Variants in CAST observed in about 807,000 individuals in gnomAD.
The protein encoded by CAST is MIR583 host.
Under a neutral mutation model 119.6 loss-of-function variants are expected in CAST, and 76 were observed. The observed-to-expected ratio is 0.64, with a 90% CI of 0.53 to 0.77. The LOEUF (loss-of-function observed/expected upper bound fraction) is 0.77. Among genes scored for constraint, CAST ranks in the 30% least tolerant of loss-of-function variants. The pLI is 0.00. For synonymous variants in CAST, 319 were observed against 331.6 expected, an observed-to-expected ratio of 0.96 and a Z score of 0.41; for missense variants, 953 against 946.5, an observed-to-expected ratio of 1.01 and a Z score of -0.09.
chr5:96,767,627 A>G, intron 28 of CAST, 145 bp downstream of exon 28: 1 of 670,276 alleles, frequency 1.5e-6, no homozygotes, highest in South Asian at 1.9e-5. Context: ...GTGTGTGACT[A>G]TTGTTTACCT....
intron 24 of CAST, among the ~76,000 whole-genome samples, chr5:96,759,765 T>TA (rs1159345041): frequency 3.3e-5 from 5 of 151,976 alleles, no homozygotes; most frequent in Non-Finnish European, 5.9e-5. Flanking sequence ...AGAGATCAAC[T>TA]AAATTATTGG....
chr5:96,451,873 C>A, the CAST span, among the ~76,000 whole-genome samples: 2 of 152,102 alleles, frequency 1.3e-5, no homozygotes, highest in Non-Finnish European at 2.9e-5. Context: ...ATTTATGCGG[C>A]CAACAAACAT....
the CAST span, among the ~76,000 whole-genome samples, chr5:96,519,178 T>G: frequency 6.6e-6 from 1 of 152,260 alleles, no homozygotes; most frequent in South Asian, 2.1e-4. Context: ...ACCTTCATTT[T>G]GCACAGATGA....
At chr5:96,302,033 G>C in the CAST span, among the ~76,000 whole-genome samples, 1 of 152,202 alleles carries the variant, frequency 6.6e-6, no homozygotes, top group African/African-American at 2.4e-5. Context: ...GCAGATTTCT[G>C]CCTGGACATC....
chr5:96,073,650 C>T, the CAST span, among the ~76,000 whole-genome samples: 2 of 152,170 alleles, frequency 1.3e-5, no homozygotes, highest in Admixed American at 6.5e-5. Flanking sequence ...AAGGAGCCCA[C>T]AACCTGGATC....
chr5:96,354,015 C>G, the CAST span, among the ~76,000 whole-genome samples: 1 of 152,150 alleles, frequency 6.6e-6, no homozygotes, highest in Non-Finnish European at 1.5e-5. Flanking sequence ...CTTCTCAGGC[C>G]AGAAACCTTG....
the CAST span, among the ~76,000 whole-genome samples, chr5:95,976,640 C>T: frequency 2.0e-5 from 3 of 152,148 alleles, no homozygotes; most frequent in Non-Finnish European, 4.4e-5. Flanking sequence ...AGGATACACA[C>T]TAGATTACCT....
chr5:96,560,489 T>G (rs1423312943), intron 1 of CAST, among the ~76,000 whole-genome samples: 9 of 152,080 alleles, frequency 5.9e-5, no homozygotes, highest in Admixed American at 4.6e-4. Context: ...GAATCTACAA[T>G]GAACTCAAAC....
chr5:96,356,805 G>T, the CAST span, among the ~76,000 whole-genome samples: 1 of 152,136 alleles, frequency 6.6e-6, no homozygotes, highest in South Asian at 2.1e-4. Context: ...GGATTGTCTT[G>T]GCTATGCAGG....
At chr5:96,470,187 T>TCACACA in the CAST span, among the ~76,000 whole-genome samples, 10 of 144,760 alleles carry the variant, frequency 6.9e-5, no homozygotes, top group Middle Eastern at 3.5e-3. Flanking sequence ...AAATAAATGC[T>TCACACA]CACACACACA....
At chr5:96,358,509 G>A in the CAST span, among the ~76,000 whole-genome samples, 8 of 152,074 alleles carry the variant, frequency 5.3e-5, no homozygotes, top group Non-Finnish European at 1.2e-4. Flanking sequence ...TAGCTGTGTC[G>A]CAGAGATTCT....
the CAST span, among the ~76,000 whole-genome samples, chr5:96,108,434 C>T: frequency 6.6e-6 from 1 of 152,212 alleles, no homozygotes; most frequent in African/African-American, 2.4e-5. Context: ...GTTAGTTTTC[C>T]TTCTAACAGA....
chr5:96,757,645 T>C lies in CAST; in HGVS notation c.1824T>C (p.Ala608=). 23 of 1,610,674 alleles carry C rather than the reference T, an allele frequency of 1.4e-5. No homozygotes were observed. Among genetic ancestry groups the C allele is most frequent in the Non-Finnish European group, 2.0e-5 (23 of 1,176,950 alleles). Residue 608 remains alanine, a synonymous_variant, in exon 24 of 32, where the codon GCT becomes GCC. Coordinates refer to ENST00000675179, the MANE Select transcript of CAST (RefSeq NM_001750.7). ...LSEDFSGPQN[A]SSLKFEDAKL... The stretch of plus-strand genomic sequence containing the variant: ...AGGACTTCTCTGGTCCACAAAATGC[T>C]TCATCTCTTGTAAGTCCAAAACTCT...
chr5:96,736,763 A>G (rs757679648), intron 10 of CAST, among the ~76,000 whole-genome samples: 1 of 152,212 alleles, frequency 6.6e-6, no homozygotes, highest in African/African-American at 2.4e-5. Context: ...TCTCCTTTCA[A>G]TGCAGGTTAT....
the CAST span, among the ~76,000 whole-genome samples, chr5:96,041,533 A>G: frequency 1.3e-5 from 2 of 152,194 alleles, no homozygotes; most frequent in Non-Finnish European, 1.5e-5. Context: ...AAAAAACTAC[A>G]TAAATCTAAA....
chr5:96,344,030 C>A, the CAST span, among the ~76,000 whole-genome samples: 1 of 152,146 alleles, frequency 6.6e-6, no homozygotes, highest in Admixed American at 6.5e-5. Context: ...TGGATCGTAA[C>A]CCCTACTTGA....
At chr5:96,690,952 T>A (rs1318853090) in intron 2 of CAST, among the ~76,000 whole-genome samples, 1 of 152,250 alleles carries the variant, frequency 6.6e-6, no homozygotes, top group Non-Finnish European at 1.5e-5. Context: ...GAAAAATACA[T>A]TTCAAGAAGT....
At chr5:95,979,934 A>G in the CAST span, among the ~76,000 whole-genome samples, 1 of 152,140 alleles carries the variant, frequency 6.6e-6, no homozygotes, top group African/African-American at 2.4e-5. Context: ...CCTGACCAAC[A>G]TGGTAAAGTC....
intron 2 of CAST, among the ~76,000 whole-genome samples, chr5:96,685,018 T>C (rs1267472818): frequency 6.6e-6 from 1 of 151,414 alleles, no homozygotes; most frequent in African/African-American, 2.4e-5. Flanking sequence ...AAAAAACAAC[T>C]GAACACTTTG....
Sources: allele counts gnomAD v4.1 joint callset (sites outside exome capture counted in the v4.1 genomes callset), GRCh38; gene constraint gnomAD v4.1.1; transcripts MANE v1.5; gene names NCBI Gene and HGNC (gene_info 2026-07-23, HGNC 2026-07-21).